LARP1: variants seen among roughly 807,000 people sequenced by gnomAD.
LARP1 encodes la-related protein 1.
LARP1 carries 36 observed loss-of-function variants against 122.7 expected under a neutral mutation model. The ratio of observed to expected loss-of-function variants is 0.29; its 90% confidence interval spans 0.22 to 0.39. The LOEUF is 0.39. LARP1 is among the 10% of genes least tolerant of loss of function. The probability of loss-of-function intolerance (pLI) is 1.00; values close to 1 mark genes in which losing one functional copy is unlikely to be tolerated. For synonymous variants in LARP1, 539 were observed against 528.7 expected, an observed-to-expected ratio of 1.02 and a Z score of -0.27; for missense variants, 1,040 against 1,403.6, an observed-to-expected ratio of 0.74 and a Z score of 4.14.
At chr5:154,750,147 G>C (rs1753407815) in intron 1 of LARP1, among the ~76,000 whole-genome samples, 1 of 152,218 alleles carries the variant, frequency 6.6e-6, no homozygotes, top group Non-Finnish European at 1.5e-5. Context: ...GTCAGCACAA[G>C]GAGCAAACAA....
chr5:154,769,171 G>A (rs116625825), intron 1 of LARP1, among the ~76,000 whole-genome samples: 2,762 of 152,292 alleles, frequency 0.018, 33 homozygotes, highest in Middle Eastern at 0.034. Flanking sequence ...GGGTTGCATG[G>A]TATGTAAATT....
intron 1 of LARP1, among the ~76,000 whole-genome samples, chr5:154,735,306 T>G (rs979831849): frequency 2.6e-5 from 4 of 151,888 alleles, no homozygotes; most frequent in African/African-American, 9.7e-5. Flanking sequence ...AATACAAACA[T>G]TAGCCAGGCG....
At chr5:154,696,422 T>G (rs1316339519) in intron 1 of LARP1, among the ~76,000 whole-genome samples, 1 of 152,176 alleles carries the variant, frequency 6.6e-6, no homozygotes, top group Non-Finnish European at 1.5e-5. Flanking sequence ...AAGACTGCAT[T>G]GCTAGAGTGC....
chr5:154,714,353 T>G (rs902118891), intron 1 of LARP1, among the ~76,000 whole-genome samples: 1 of 152,326 alleles, frequency 6.6e-6, no homozygotes. Flanking sequence ...GTTTAAATCC[T>G]TTTACTTTAA....
At chr5:154,721,784 G>A (rs1582204390) in intron 1 of LARP1, among the ~76,000 whole-genome samples, 1 of 152,174 alleles carries the variant, frequency 6.6e-6, no homozygotes, top group African/African-American at 2.4e-5. Flanking sequence ...AGGAACATAA[G>A]GCTGCGGTTA....
chr5:154,799,342 G>A (rs1464750303), intron 8 of LARP1, among the ~76,000 whole-genome samples: 1 of 152,198 alleles, frequency 6.6e-6, no homozygotes, highest in Non-Finnish European at 1.5e-5. Context: ...GTTCTCTAGA[G>A]CAGATTACTG....
intron 8 of LARP1, among the ~76,000 whole-genome samples, chr5:154,796,056 TTA>T (rs1287147495): frequency 1.7e-5 from 2 of 117,620 alleles, no homozygotes; most frequent in East Asian, 2.1e-4. Flanking sequence ...TATTTATATA[TTA>T]TATATTTATA....
intron 4 of LARP1, 47 bp downstream of exon 4, chr5:154,792,843 T>C (rs547639987): frequency 6.3e-7 from 1 of 1,587,198 alleles, no homozygotes; most frequent in South Asian, 1.1e-5. Context: ...AGGGTAGAAC[T>C]GTGAAATGTC....
chr5:154,755,781 G>A lies in LARP1; in HGVS notation c.24G>A (p.Leu8=). The A allele has an allele frequency of 1.0e-6, 1 of 989,184 alleles. No homozygotes were observed. The allele number at this position is 989,184 out of a possible 1,614,324, so 61.3% of individuals were successfully genotyped here. A position where few individuals can be genotyped will look rare whatever the true frequency, so the allele number is the denominator to read the frequency against. The change falls in exon 1 of 19, where the codon CTG becomes CTA. Residue 8 remains leucine (L), a synonymous_variant. Coordinates refer to ENST00000518297, the MANE Select transcript of LARP1 (RefSeq NM_033551.3). Reference sequence around the variant, plus strand: ...AGATGGCCACTCAGGTGGAGCCGCTGCTGCCTGGGGGCGCCACGCTCTTGC... The same window carrying A: ...AGATGGCCACTCAGGTGGAGCCGCTACTGCCTGGGGGCGCCACGCTCTTGC... MATQVEP[L]LPGGATLLQA... is the part of the protein sequence containing the mutation.
intron 1 of LARP1, among the ~76,000 whole-genome samples, chr5:154,762,111 C>T (rs1031685651): frequency 3.3e-5 from 5 of 152,108 alleles, no homozygotes; most frequent in African/African-American, 4.8e-5. Context: ...GGCATGGTGG[C>T]GTGTGCCTGT....
chr5:154,683,186 C>T (rs1195525647), intron 1 of LARP1, among the ~76,000 whole-genome samples: 2 of 152,240 alleles, frequency 1.3e-5, no homozygotes, highest in Non-Finnish European at 2.9e-5. Flanking sequence ...AGATCTTACC[C>T]CTCAACCCCC....
At position 154,755,820 on chromosome 5, in the gene LARP1, C is replaced by T. The variant is rs1753821518; in HGVS notation, c.63C>T (p.His21=). Residue 21 remains histidine, a synonymous_variant, in exon 1 of 19, where the codon CAC becomes CAT. Transcript: ENST00000518297. ...GGATLLQAEE[H]GGLVRKKPPP... is the part of the protein sequence containing the mutation. The stretch of plus-strand genomic sequence containing the variant: ...CCACGCTCTTGCAGGCCGAAGAGCA[C>T]GGGGGGCTGGTGAGGAAGAAGCCGC... 4.0e-6 allele frequency: 4 copies of T among 997,608 alleles called. No individual in the cohort carries two copies. Among genetic ancestry groups the T allele is most frequent in the Non-Finnish European group, 4.8e-6 (4 of 837,314 alleles). 61.8% of individuals were successfully genotyped at this position (997,608 alleles called of 1,614,324 possible). A position where few individuals can be genotyped will look rare whatever the true frequency, so the allele number is the denominator to read the frequency against.
intron 1 of LARP1, among the ~76,000 whole-genome samples, chr5:154,776,429 C>T (rs1172422125): frequency 6.6e-6 from 1 of 152,146 alleles, no homozygotes; most frequent in Non-Finnish European, 1.5e-5. Context: ...AGGGAGAGTA[C>T]CTCCTGCACC....
At chr5:154,808,369 G>A in intron 15 of LARP1, 90 bp from the exon 16 acceptor site, 1 of 1,490,004 alleles carries the variant, frequency 6.7e-7, no homozygotes, top group Admixed American at 2.1e-5. Flanking sequence ...ACATGAGAAA[G>A]GACCAAGTCT....
At chr5:154,795,109 G>A in intron 7 of LARP1, 66 bp from the exon 8 acceptor site, 1 of 1,492,754 alleles carries the variant, frequency 6.7e-7, no homozygotes, top group South Asian at 1.2e-5. Context: ...AGCAGAACAA[G>A]GAAGGCATAC....
chr5:154,811,735 C>T, intron 18 of LARP1, 95 bp downstream of exon 18: 1 of 1,442,500 alleles, frequency 6.9e-7, no homozygotes, highest in Non-Finnish European at 9.6e-7. Context: ...GTGCCCCTAG[C>T]CCAGGAACCC....
At chr5:154,711,141 CTTT>C (rs544780959), upstream of LARP1, among the ~76,000 whole-genome samples, 8 of 135,288 alleles carry the variant, frequency 5.9e-5, no homozygotes, top group Non-Finnish European at 4.8e-5. Context: ...CAGTGTGGTA[CTTT>C]TTTTTTTTTT....
intron 1 of LARP1, among the ~76,000 whole-genome samples, chr5:154,766,127 G>A (rs1754932581): frequency 6.6e-6 from 1 of 152,210 alleles, no homozygotes; most frequent in Admixed American, 6.5e-5. Flanking sequence ...CTGGTGTTCA[G>A]GGAACTGAGT....
rs912729718 is a variant in LARP1 at position 154,816,164 on chromosome 5, G to A, written c.*2068G>A. The A allele has an allele frequency of 2.0e-5, 3 of 152,736 alleles. No individual in the cohort carries two copies. The highest frequency in any genetic ancestry group is 7.2e-5 in the African/African-American group (3 of 41,440). 9.5% of individuals were successfully genotyped at this position (152,736 alleles called of 1,614,324 possible). ...TTCATGTCTCAAACCAAGGATGAGC[G>A]TCTGGTCTCTGCTATGATGGTGGTA... On this transcript the variant is annotated 3_prime_UTR_variant, in exon 19 of 19. Coordinates refer to ENST00000518297, the MANE Select transcript of LARP1 (RefSeq NM_033551.3).
Sources: gnomAD v4.1 joint callset for allele counts (sites outside exome capture counted in the v4.1 genomes callset) on GRCh38, gnomAD v4.1.1 for gene constraint, MANE v1.5 for transcripts, NCBI Gene and HGNC (gene_info 2026-07-23, HGNC 2026-07-21) for gene names.